Variants in ULK4 observed in about 807,000 individuals in gnomAD.
The protein encoded by ULK4 is unc-51 like kinase 4.
A neutral mutation model predicts 160.6 loss-of-function variants in ULK4; 133 were observed. That is an observed-to-expected ratio of 0.83 (90% CI 0.72 to 0.96). The LOEUF (loss-of-function observed/expected upper bound fraction) is 0.96. ULK4 is among the 40% of genes least tolerant of loss of function. The probability of loss-of-function intolerance (pLI) is 0.00; values close to 1 mark genes in which losing one functional copy is unlikely to be tolerated. For missense variants in ULK4, 1,580 were observed against 1,499.5 expected (o/e 1.05, Z -0.89); for synonymous variants, 534 against 539.8 (o/e 0.99, Z 0.15).
intron 30 of ULK4, among the ~76,000 whole-genome samples, chr3:41,616,903 A>G (rs1442980779): frequency 6.6e-6 from 1 of 152,176 alleles, no homozygotes; most frequent in Non-Finnish European, 1.5e-5. Flanking sequence ...TCTCACTGCC[A>G]GCACAGCAGT....
chr3:41,379,352 A>G (rs932061712), intron 35 of ULK4, among the ~76,000 whole-genome samples: 3 of 152,180 alleles, frequency 2.0e-5, no homozygotes, highest in Non-Finnish European at 4.4e-5. Flanking sequence ...TTGAAATGAG[A>G]GCCCTAATCA....
intron 2 of ULK4, among the ~76,000 whole-genome samples, chr3:41,948,095 C>T (rs1004420841): frequency 6.6e-6 from 1 of 152,160 alleles, no homozygotes; most frequent in African/African-American, 2.4e-5. Context: ...TTTCCCTCTC[C>T]ATCTATGTGT....
chr3:41,398,844 G>A (rs1217635818), intron 34 of ULK4, among the ~76,000 whole-genome samples: 2 of 151,818 alleles, frequency 1.3e-5, no homozygotes, highest in South Asian at 4.2e-4. Context: ...TTTTTATGGA[G>A]TACAGTGTGA....
At chr3:41,646,803 C>T (rs568525998) in intron 30 of ULK4, among the ~76,000 whole-genome samples, 10 of 152,318 alleles carry the variant, frequency 6.6e-5, no homozygotes, top group Admixed American at 1.3e-4. Flanking sequence ...AACTTGGTTC[C>T]GTTCTCCCCG....
chr3:41,481,294 C>T (rs2084313645), intron 32 of ULK4, among the ~76,000 whole-genome samples: 1 of 152,096 alleles, frequency 6.6e-6, no homozygotes, highest in Admixed American at 6.5e-5. Context: ...TCTAAAAATA[C>T]AAACCCTTAA....
chr3:41,696,823 G>C, intron 27 of ULK4, among the ~76,000 whole-genome samples: 1 of 152,188 alleles, frequency 6.6e-6, no homozygotes, highest in East Asian at 1.9e-4. Flanking sequence ...AGGGTGACAG[G>C]ATGGTCAGAG....
chr3:41,295,408 G>A (rs1339103423), intron 35 of ULK4, among the ~76,000 whole-genome samples: 3 of 133,168 alleles, frequency 2.3e-5, no homozygotes, highest in Non-Finnish European at 5.1e-5. Flanking sequence ...AGATGACCTC[G>A]GGTATGACAA....
chr3:41,252,216 T>A (rs1880480), intron 35 of ULK4, among the ~76,000 whole-genome samples: 85,112 of 152,056 alleles, frequency 0.56, 24,511 homozygotes, highest in African/African-American at 0.69. Flanking sequence ...GTAATATTTT[T>A]AATGACCAGG....
In ULK4 at chr3:41,635,883, GA is replaced by G. The variant is rs528030558; in HGVS notation, c.3072-20167del. 3.3e-3 allele frequency among the ~76,000 whole-genome samples: 508 copies of G among 152,220 alleles called. 3 individuals carry two copies. Among genetic ancestry groups the G allele is most frequent in the African/African-American group, 0.011 (465 of 41,554 alleles). On this transcript the variant is annotated intron_variant, in intron 30 of 36. Coordinates refer to ENST00000301831, the MANE Select transcript of ULK4 (RefSeq NM_017886.4). ...TTCTATTGGGTTTTTAAAAATATAT[GA>G]AAAACATTTTCCCATGTCATTAAAT...
intron 32 of ULK4, among the ~76,000 whole-genome samples, chr3:41,485,739 T>C (rs1370070697): frequency 6.6e-6 from 1 of 152,172 alleles, no homozygotes; most frequent in East Asian, 1.9e-4. Flanking sequence ...TCATTTTCAG[T>C]TTTCTGGTGG....
chr3:41,565,232 C>T (rs2087744155), intron 32 of ULK4, among the ~76,000 whole-genome samples: 1 of 152,212 alleles, frequency 6.6e-6, no homozygotes, highest in Admixed American at 6.5e-5. Context: ...TAATGCATGA[C>T]TGTACATGAT....
intron 17 of ULK4, among the ~76,000 whole-genome samples, chr3:41,846,718 T>C (rs960861347): frequency 1.3e-5 from 2 of 149,734 alleles, no homozygotes; most frequent in Non-Finnish European, 2.9e-5. Context: ...GACAGGAGGA[T>C]CACTTGAGCC....
At chr3:41,901,248 C>T (rs1423302703) in intron 12 of ULK4, among the ~76,000 whole-genome samples, 2 of 144,474 alleles carry the variant, frequency 1.4e-5, no homozygotes, top group African/African-American at 2.6e-5. Context: ...AGCGTGATCT[C>T]GGCTCACTAC....
rs180821681 is a variant in ULK4 at position 41,407,466 on chromosome 3, C to T, written c.3493-9202G>A. ...CAATAGCCCTTAAGAATATACATGC[C>T]AAAACCCTCAACAAAATAGTAGCAA... On this transcript the variant is annotated intron_variant, in intron 34 of 36. Coordinates refer to ENST00000301831, the MANE Select transcript of ULK4 (RefSeq NM_017886.4). 5.9e-5 allele frequency among the ~76,000 whole-genome samples: 9 copies of T among 152,154 alleles called. No homozygotes were observed. The East Asian group carries it at 1.4e-3, about 23-fold the overall frequency.
intron 19 of ULK4, among the ~76,000 whole-genome samples, chr3:41,807,897 T>C (rs903695770): frequency 6.6e-6 from 1 of 152,192 alleles, no homozygotes; most frequent in Non-Finnish European, 1.5e-5. Flanking sequence ...TGAAATAAAA[T>C]GTGACATCCA....
In ULK4 at chr3:41,375,933, C is replaced by T. The variant is rs112821137; in HGVS notation, c.3678+22146G>A. 2.8e-3 allele frequency among the ~76,000 whole-genome samples: 422 copies of T among 149,720 alleles called. 22 individuals carry two copies. The highest frequency in any genetic ancestry group is 9.7e-3 in the African/African-American group (388 of 40,126). The stretch of plus-strand genomic sequence containing the variant: ...TCTACAAGGAACTTAAACAAATTTA[C>T]GAGAAAAAAAACAAACAACCCCATG... On this transcript the variant is annotated intron_variant, in intron 35 of 36. Transcript: ENST00000301831.
chr3:41,787,493 C>T (rs7648924), intron 21 of ULK4, among the ~76,000 whole-genome samples: 7,777 of 152,216 alleles, frequency 0.051, 655 homozygotes, highest in African/African-American at 0.17. Context: ...TCCATCCCAA[C>T]CCAGCAACAT....
chr3:41,436,171 T>A (rs2125851658), intron 34 of ULK4, among the ~76,000 whole-genome samples: 1 of 152,262 alleles, frequency 6.6e-6, no homozygotes, highest in East Asian at 1.9e-4. Context: ...TAAAACAGCT[T>A]TGTATTAAGA....
At chr3:41,561,942 A>G (rs1032036807) in intron 32 of ULK4, among the ~76,000 whole-genome samples, 1 of 151,982 alleles carries the variant, frequency 6.6e-6, no homozygotes, top group African/African-American at 2.4e-5. Flanking sequence ...AGTTCTTTTA[A>G]TTGTGATGTT....
Sources: allele counts gnomAD v4.1 joint callset (sites outside exome capture counted in the v4.1 genomes callset), GRCh38; gene constraint gnomAD v4.1.1; transcripts MANE v1.5; gene names NCBI Gene and HGNC (gene_info 2026-07-23, HGNC 2026-07-21).